MAEL: variants seen among roughly 807,000 people sequenced by gnomAD.
The protein encoded by MAEL is maelstrom spermatogenic transposon silencer.
A neutral mutation model predicts 62.0 loss-of-function variants in MAEL; 46 were observed. The observed-to-expected ratio is 0.74, with a 90% confidence interval of 0.59 to 0.95. The LOEUF (loss-of-function observed/expected upper bound fraction) is 0.95. Among genes scored for constraint, MAEL ranks in the 40% least tolerant of loss-of-function variants. The probability of loss-of-function intolerance (pLI) is 0.00; values close to 1 mark genes in which losing one functional copy is unlikely to be tolerated. For missense variants in MAEL, 497 were observed against 526.8 expected (o/e 0.94, Z 0.55); for synonymous variants, 172 against 175.5 (o/e 0.98, Z 0.16).
intron 5 of MAEL, among the ~76,000 whole-genome samples, chr1:167,001,154 A>G (rs1438384297): frequency 6.6e-6 from 1 of 152,188 alleles, no homozygotes; most frequent in Non-Finnish European, 1.5e-5. Flanking sequence ...AAGTGAAGCA[A>G]CTCAGGAATG....
intron 8 of MAEL, among the ~76,000 whole-genome samples, chr1:167,005,803 T>A (rs1392049659): frequency 6.6e-6 from 1 of 152,246 alleles, no homozygotes; most frequent in African/African-American, 2.4e-5. Context: ...CTATTCTCTG[T>A]TTCCTTAATT....
At chr1:166,989,671 C>G in intron 1 of MAEL, 66 bp from the exon 2 acceptor site, 1 of 1,524,814 alleles carries the variant, frequency 6.6e-7, no homozygotes, top group Admixed American at 1.9e-5. Context: ...CAGCATCTGC[C>G]TGCGGGCCCT....
rs571129876 is a variant in MAEL at position 167,013,888 on chromosome 1, T to C, written c.846-2334T>C. ...ACCAGCAGCCATTCTTGCTGCCTGGTTTTCCAAGAACAGTTTACTTTTTTT... is the reference window on the plus strand; with the variant it reads ...ACCAGCAGCCATTCTTGCTGCCTGGCTTTCCAAGAACAGTTTACTTTTTTT... On this transcript the variant is annotated intron_variant, in intron 8 of 11. Transcript: ENST00000367872. Among the ~76,000 whole-genome samples the C allele has an allele frequency of 6.0e-4, 92 of 152,260 alleles. 1 individual carries two copies. The highest frequency in any genetic ancestry group is 2.2e-3 in the African/African-American group (91 of 41,542).
intron 2 of MAEL, chr1:166,990,519 T>C (rs1664125683): frequency 6.6e-6 from 1 of 151,820 alleles, no homozygotes; most frequent in African/African-American, 2.4e-5. Context: ...AAAAGCTGGG[T>C]GTGATAGCAG....
intron 3 of MAEL, 102 bp downstream of exon 3, chr1:166,991,579 A>G: frequency 2.8e-6 from 2 of 712,900 alleles, no homozygotes; most frequent in Non-Finnish European, 5.0e-6. Flanking sequence ...CTCCGTTTCA[A>G]AGTAAATAAC....
chr1:166,989,181 G>C (rs1664032814), upstream of MAEL: 1 of 896,212 alleles, frequency 1.1e-6, no homozygotes, highest in Middle Eastern at 3.5e-4. Context: ...GAATCTTCCA[G>C]TCTCAGGCTG....
rs199904572 is a variant in MAEL, at chr1:166,994,048, C to T, written c.502C>T (p.Arg168Ter). ...INPGEIPRGF[R>*]FHCQAASDSS... is the part of the protein sequence containing the mutation. ...TATAGGTGAAATTCCACGAGGATTT[C>T]GATTTCATTGTCAGGCTGCAAGTAA... The change falls in exon 5 of 12, where the codon CGA (arginine) becomes TGA (stop). Residue 168 changes from arginine to a stop codon, truncating the protein, a stop_gained. Coordinates refer to ENST00000367872, the MANE Select transcript of MAEL (RefSeq NM_032858.3). LOFTEE classifies it high-confidence loss of function. 11 of 1,612,706 alleles carry T rather than the reference C, an allele frequency of 6.8e-6. No individual in the cohort carries two copies. In the Admixed American group the frequency reaches 1.2e-4, roughly 17 times the overall value.
At chr1:167,013,049 C>G (rs1356138438) in intron 8 of MAEL, among the ~76,000 whole-genome samples, 1 of 152,102 alleles carries the variant, frequency 6.6e-6, no homozygotes, top group African/African-American at 2.4e-5. Context: ...AAAGATGACA[C>G]CCAGGTTTCT....
At chr1:166,993,749 G>A (rs540044475) in intron 4 of MAEL, among the ~76,000 whole-genome samples, 7 of 152,290 alleles carry the variant, frequency 4.6e-5, no homozygotes, top group South Asian at 2.1e-4. Context: ...ATTCATGGAC[G>A]TGGAGCTAAG....
chr1:166,978,732 C>T lies in MAEL; in HGVS notation c.-121+3066C>T, dbSNP rs1050311376. Reference sequence around the variant, plus strand: ...TGTTGAGCTGATGTTTTCTAATGAGCCTTGTATCTGGTTAAGCTCCAGTTG... The same window carrying T: ...TGTTGAGCTGATGTTTTCTAATGAGTCTTGTATCTGGTTAAGCTCCAGTTG... On this transcript the variant is annotated intron_variant, in intron 1 of 12. Transcript: ENST00000622874. Among the ~76,000 whole-genome samples the T allele has an allele frequency of 3.9e-5, 6 of 152,176 alleles. No homozygotes were observed. The East Asian group carries it at 1.2e-3, about 29-fold the overall frequency.
rs1664169602 is a variant in MAEL, at chr1:166,991,418, T to C, written c.266T>C (p.Val89Ala). 5.6e-6 allele frequency: 9 copies of C among 1,613,464 alleles called. No individual in the cohort carries two copies. The highest frequency in any genetic ancestry group is 7.6e-6 in the Non-Finnish European group (9 of 1,179,470). ...CCACTGAGGAGGCCAGGCATGCTTG[T>C]ACCAAAGCAGAATGTTTCACCTCCA... ...FTPLRRPGML[V>A]PKQNVSPPDM... is the part of the protein sequence containing the mutation. The change falls in exon 3 of 12, where the codon GTA becomes GCA. Residue 89 changes from valine (V) to alanine (A), a missense_variant. Coordinates refer to ENST00000367872, the MANE Select transcript of MAEL (RefSeq NM_032858.3).
In MAEL at chr1:167,004,291, C is replaced by T; in HGVS notation, c.635C>T (p.Pro212Leu). 6.3e-7 allele frequency: 1 copy of T among 1,598,156 alleles called. No individual in the cohort carries two copies. The highest frequency in any genetic ancestry group is 1.1e-5 in the South Asian group (1 of 87,138). ...CATCCCAACCCAGGGAACTGGCCAC[C>T]TATCTACTGCAAGGTAATTTCAGGT... The part of the protein sequence containing the change: ...FIHPNPGNWP[P>L]IYCKSDDRTR... Residue 212 changes from proline to leucine, a missense_variant, in exon 6 of 12, where the codon CCT becomes CTT. Pro to Leu is a moderately conservative substitution (Grantham distance 98). Coordinates refer to ENST00000367872, the MANE Select transcript of MAEL (RefSeq NM_032858.3).
chr1:166,989,703 T>C, intron 1 of MAEL, 34 bp from the exon 2 acceptor site: 2 of 1,600,352 alleles, frequency 1.2e-6, no homozygotes, highest in Non-Finnish European at 1.7e-6. Context: ...TCCTCACGGC[T>C]GTTTCTCTTC....
At chr1:166,996,144 CATA>C (rs1664414337) in intron 5 of MAEL, among the ~76,000 whole-genome samples, 1 of 152,134 alleles carries the variant, frequency 6.6e-6, no homozygotes. Flanking sequence ...CACCTGTCAC[CATA>C]ATAACTAAAA....
Position 167,021,117 on chromosome 1 carries a change from T to A in MAEL, c.1074T>A (p.His358Gln), listed in dbSNP as rs1252317797. 6.2e-7 allele frequency: 1 copy of A among 1,612,598 alleles called. No homozygotes were observed. The highest frequency in any genetic ancestry group is 8.5e-7 in the Non-Finnish European group (1 of 1,179,028). ...KLRVGSSGFS[H>Q]FNSSNEEQRS... The stretch of plus-strand genomic sequence containing the variant: ...GGGTTGGGAGTTCAGGATTCTCTCA[T>A]TTCAACTCTTCTAATGAGGAACAAA... Residue 358 changes from histidine (H) to glutamine (Q), a missense_variant, in exon 11 of 12, where the codon CAT becomes CAA. His to Gln is a conservative substitution (Grantham distance 24). Transcript: ENST00000367872.
intron 10 of MAEL, among the ~76,000 whole-genome samples, chr1:167,019,197 G>A (rs561114156): frequency 6.6e-6 from 1 of 152,186 alleles, no homozygotes; most frequent in Non-Finnish European, 1.5e-5. Context: ...AGTGGATAAA[G>A]GCCAGGAATG....
chr1:167,002,048 T>G (rs1339399759), intron 5 of MAEL, among the ~76,000 whole-genome samples: 1 of 152,238 alleles, frequency 6.6e-6, no homozygotes, highest in Non-Finnish European at 1.5e-5. Flanking sequence ...CCCAAAGTGC[T>G]GGGATTACAG....
chr1:167,002,167 C>T (rs528827891), intron 5 of MAEL, among the ~76,000 whole-genome samples: 3 of 152,086 alleles, frequency 2.0e-5, no homozygotes, highest in Non-Finnish European at 2.9e-5. Context: ...TATAATATAC[C>T]GAGTTTGGTT....
upstream of MAEL, among the ~76,000 whole-genome samples, chr1:166,988,818 T>A (rs1333046843): frequency 6.6e-6 from 1 of 152,182 alleles, no homozygotes; most frequent in Non-Finnish European, 1.5e-5. Context: ...TGAATGTACT[T>A]TTAAAAAATT....
Sources: allele counts gnomAD v4.1 joint callset (sites outside exome capture counted in the v4.1 genomes callset), GRCh38; gene constraint gnomAD v4.1.1; transcripts MANE v1.5; gene names NCBI Gene and HGNC (gene_info 2026-07-23, HGNC 2026-07-21).